The following HTR1E variants were observed in gnomAD, a reference collection of about 807,000 sequenced individuals.
HTR1E encodes 5-hydroxytryptamine receptor 1E, also known as 5-HT-1E.
Under a neutral mutation model 3.4 loss-of-function variants are expected in HTR1E, and 3 were observed. The ratio of observed to expected loss-of-function variants is 0.89; its 90% CI spans 0.41 to 2.31. The LOEUF (loss-of-function observed/expected upper bound fraction) is 2.31, where lower values mean the gene tolerates loss of function less well. HTR1E is among the 30% of genes most tolerant of loss of function. The pLI is 0.05. For synonymous variants in HTR1E, 170 were observed against 182.8 expected, an observed-to-expected ratio of 0.93 and a Z score of 0.56; for missense variants, 392 against 467.0, an observed-to-expected ratio of 0.84 and a Z score of 1.48.
At position 86,945,020 on chromosome 6, in the gene HTR1E, T is replaced by TA. The variant is rs55890166; in HGVS notation, c.-186+7208dup. ...ATTTTGGGGTGTGTTCCTACTTAAT[T>TA]AAAAAAAAAAAGTGAAAAGAAGTTT... On this transcript the variant is annotated intron_variant, in intron 1 of 1. Coordinates refer to ENST00000305344, the MANE Select transcript of HTR1E (RefSeq NM_000865.3). Among the ~76,000 whole-genome samples, 402 of 146,226 alleles carry TA rather than the reference T, an allele frequency of 2.7e-3. 15 individuals carry two copies. The South Asian group carries it at 0.051, about 18-fold the overall frequency.
chr6:86,999,010 A>T (rs1449356809), intron 1 of HTR1E, among the ~76,000 whole-genome samples: 3 of 152,136 alleles, frequency 2.0e-5, no homozygotes, highest in African/African-American at 7.2e-5. Flanking sequence ...CCCAGGCGGG[A>T]GTGCAGTAGC....
At chr6:86,991,202 GA>G (rs1230094674) in intron 1 of HTR1E, among the ~76,000 whole-genome samples, 5 of 152,154 alleles carry the variant, frequency 3.3e-5, no homozygotes, top group Admixed American at 2.0e-4. Context: ...TCACAGACCA[GA>G]AGAGACTGGG....
intron 1 of HTR1E, among the ~76,000 whole-genome samples, chr6:86,940,722 TA>T (rs1441463868): frequency 6.6e-6 from 1 of 152,144 alleles, no homozygotes; most frequent in Non-Finnish European, 1.5e-5. Context: ...CACTACCCTT[TA>T]AAAGTGAAAG....
intron 1 of HTR1E, among the ~76,000 whole-genome samples, chr6:86,961,127 G>C (rs1479790621): frequency 6.6e-6 from 1 of 152,174 alleles, no homozygotes; most frequent in East Asian, 1.9e-4. Flanking sequence ...TTTCAAATCA[G>C]CTTCCAATAT....
At chr6:87,015,108 G>A (rs976474049) in intron 1 of HTR1E, 42 bp from the exon 2 acceptor site, 1 of 361,200 alleles carries the variant, frequency 2.8e-6, no homozygotes, top group African/African-American at 2.1e-5. Flanking sequence ...CAGGAAAAGT[G>A]TGGCTTTCTC....
At chr6:86,979,393 A>G (rs2127825006) in intron 1 of HTR1E, among the ~76,000 whole-genome samples, 1 of 152,338 alleles carries the variant, frequency 6.6e-6, no homozygotes, top group Non-Finnish European at 1.5e-5. Context: ...CTCAAAAACT[A>G]TTTCTGAAGG....
intron 1 of HTR1E, among the ~76,000 whole-genome samples, chr6:87,012,600 T>G (rs1156442174): frequency 6.6e-6 from 1 of 152,254 alleles, no homozygotes; most frequent in Admixed American, 6.5e-5. Context: ...GACTTATTTT[T>G]AATAGGCTTT....
At chr6:86,968,812 G>T (rs561164410) in intron 1 of HTR1E, among the ~76,000 whole-genome samples, 3 of 151,792 alleles carry the variant, frequency 2.0e-5, no homozygotes. Context: ...ATAACTTAGT[G>T]TATTAATCAA....
At chr6:86,995,679 A>AG (rs1767930207) in intron 1 of HTR1E, among the ~76,000 whole-genome samples, 1 of 63,356 alleles carries the variant, frequency 1.6e-5, no homozygotes, top group African/African-American at 3.6e-5. Flanking sequence ...AAAAAAAAAA[A>AG]AAAAAAAAGA....
chr6:86,992,571 A>T (rs1281488298), intron 1 of HTR1E, among the ~76,000 whole-genome samples: 1 of 152,220 alleles, frequency 6.6e-6, no homozygotes, highest in African/African-American at 2.4e-5. Flanking sequence ...ACATTCAAAG[A>T]CGCAAACACG....
intron 1 of HTR1E, among the ~76,000 whole-genome samples, chr6:86,976,978 AT>A (rs1015309993): frequency 1.3e-5 from 2 of 152,176 alleles, no homozygotes; most frequent in Admixed American, 6.5e-5. Context: ...TCTTAGAACA[AT>A]TTTTTTAAGA....
intron 1 of HTR1E, among the ~76,000 whole-genome samples, chr6:86,957,608 GGA>G (rs1289790043): frequency 9.9e-5 from 15 of 152,250 alleles, no homozygotes; most frequent in African/African-American, 3.6e-4. Context: ...ACTTGGCACT[GGA>G]GAAAAATCAT....
Position 87,010,318 on chromosome 6 carries a change from A to AC in HTR1E, c.-185-4824dup, listed in dbSNP as rs1249536199. On this transcript the variant is annotated intron_variant, in intron 1 of 1. Transcript: ENST00000305344. ...GGCGGCTGGCCGGGCGGGGGGGCTGACCCCCCCCACCTCCCTCCCGGACGG... is the reference window on the plus strand; with the variant it reads ...GGCGGCTGGCCGGGCGGGGGGGCTGACCCCCCCCCACCTCCCTCCCGGACGG... 3.4e-3 allele frequency among the ~76,000 whole-genome samples: 235 copies of AC among 68,596 alleles called. 4 individuals carry two copies. Among genetic ancestry groups the AC allele is most frequent in the African/African-American group, 7.6e-3 (111 of 14,524 alleles). 45.0% of individuals were successfully genotyped at this position (68,596 alleles called of 152,430 possible).
At chr6:86,952,903 T>G (rs752900109) in intron 1 of HTR1E, among the ~76,000 whole-genome samples, 1 of 152,192 alleles carries the variant, frequency 6.6e-6, no homozygotes, top group Non-Finnish European at 1.5e-5. Flanking sequence ...AGAGAATATA[T>G]TGCATCCTGC....
At chr6:86,939,165 G>C (rs904497016) in intron 1 of HTR1E, among the ~76,000 whole-genome samples, 1 of 152,114 alleles carries the variant, frequency 6.6e-6, no homozygotes, top group Non-Finnish European at 1.5e-5. Flanking sequence ...AGGCATTTGA[G>C]GCCCATTTAA....
chr6:86,975,060 G>T (rs1436994620), intron 1 of HTR1E, among the ~76,000 whole-genome samples: 1 of 152,140 alleles, frequency 6.6e-6, no homozygotes, highest in African/African-American at 2.4e-5. Context: ...AGTTTTTATT[G>T]CATTTGGGGT....
At chr6:86,970,828 C>T in intron 1 of HTR1E, 1 of 244,530 alleles carries the variant, frequency 4.1e-6, no homozygotes, top group Non-Finnish European at 8.0e-6. Context: ...TTGTGAAGCT[C>T]AACAAGCCTT....
At position 87,016,546 on chromosome 6, in the gene HTR1E, G is replaced by A. The variant is rs1052151257; in HGVS notation, c.*114G>A. 6 of 827,974 alleles carry A rather than the reference G, an allele frequency of 7.2e-6. No homozygotes were observed. In the African/African-American group the frequency reaches 1.0e-4, roughly 14 times the overall value. 51.3% of individuals were successfully genotyped at this position (827,974 alleles called of 1,614,324 possible). On this transcript the variant is annotated 3_prime_UTR_variant, in exon 2 of 2. Transcript: ENST00000305344. Reference sequence around the variant, plus strand: ...TTGGTTCAGGAGAGTTTGTAAGTATGTGTGGTCTTGTTTCCTTGTTTGTTT... The same window carrying A: ...TTGGTTCAGGAGAGTTTGTAAGTATATGTGGTCTTGTTTCCTTGTTTGTTT...
intron 1 of HTR1E, among the ~76,000 whole-genome samples, chr6:87,008,845 C>A (rs1274905319): frequency 6.6e-6 from 1 of 152,090 alleles, no homozygotes; most frequent in Non-Finnish European, 1.5e-5. Flanking sequence ...CTACCCAGAT[C>A]AAGAAGTATA....
Sources: allele counts gnomAD v4.1 joint callset (sites outside exome capture counted in the v4.1 genomes callset), GRCh38; gene constraint gnomAD v4.1.1; transcripts MANE v1.5; gene names NCBI Gene and HGNC (gene_info 2026-07-23, HGNC 2026-07-21).